CGGBP1: variants seen among roughly 807,000 people sequenced by gnomAD.
CGGBP1 encodes the protein CGG triplet repeat binding protein 1.
A neutral mutation model predicts 11.4 loss-of-function variants in CGGBP1; 4 were observed. The observed-to-expected ratio is 0.35, with a 90% CI of 0.17 to 0.80. The LOEUF (loss-of-function observed/expected upper bound fraction) is 0.80. CGGBP1 is among the 30% of genes least tolerant of loss of function. The pLI is 0.52. For missense variants in CGGBP1, 135 were observed against 202.1 expected, an observed-to-expected ratio of 0.67 and a Z score of 2.01; for synonymous variants, 76 against 74.1, an observed-to-expected ratio of 1.03 and a Z score of -0.13.
At chr3:88,135,023 C>CT (rs1396315301) in intron 2 of CGGBP1, 4 of 1,309,856 alleles carry the variant, frequency 3.1e-6, no homozygotes, top group Non-Finnish European at 3.9e-6. Context: ...TTTGAATAAA[C>CT]TGTATTTTTG....
At chr3:88,078,398 G>T (rs1707922519) in intron 2 of CGGBP1, among the ~76,000 whole-genome samples, 1 of 152,106 alleles carries the variant, frequency 6.6e-6, no homozygotes, top group African/African-American at 2.4e-5. Flanking sequence ...AGGGAAAGCT[G>T]GTAGGGTATT....
chr3:88,069,758 T>C (rs1241012326), intron 2 of CGGBP1, among the ~76,000 whole-genome samples: 1 of 152,216 alleles, frequency 6.6e-6, no homozygotes, highest in Non-Finnish European at 1.5e-5. Flanking sequence ...TTACACAAAT[T>C]ATAGCAGTTC....
upstream of CGGBP1, among the ~76,000 whole-genome samples, chr3:88,063,298 T>G (rs1706992860): frequency 6.6e-6 from 1 of 152,142 alleles, no homozygotes; most frequent in Non-Finnish European, 1.5e-5. Context: ...GTGGGTACCT[T>G]TTATGCGTAA....
upstream of CGGBP1, chr3:88,059,618 C>G: frequency 7.2e-7 from 1 of 1,382,068 alleles, no homozygotes; most frequent in Non-Finnish European, 9.4e-7. Context: ...TCCTCCCCAA[C>G]AAGGAGGGTG....
At chr3:88,087,126 C>T (rs1447014737) in intron 2 of CGGBP1, among the ~76,000 whole-genome samples, 15 of 150,240 alleles carry the variant, frequency 1.0e-4, no homozygotes, top group African/African-American at 3.2e-4. Context: ...TCACCCAGGC[C>T]GGAGTGCAGT....
At chr3:88,111,769 AT>A (rs1705102554) in intron 2 of CGGBP1, among the ~76,000 whole-genome samples, 2 of 151,996 alleles carry the variant, frequency 1.3e-5, no homozygotes, top group African/African-American at 4.8e-5. Context: ...GTATAGGAAC[AT>A]TTACATTCCC....
chr3:88,135,089 C>A, intron 2 of CGGBP1: 2 of 1,460,786 alleles, frequency 1.4e-6, no homozygotes, highest in Non-Finnish European at 1.8e-6. Flanking sequence ...GAGTAAACTA[C>A]AGCTTAAATC....
chr3:88,065,135 A>G (rs1707120838), intron 2 of CGGBP1, among the ~76,000 whole-genome samples: 2 of 152,204 alleles, frequency 1.3e-5, no homozygotes, highest in African/African-American at 4.8e-5. Flanking sequence ...AAGTTTTCAA[A>G]TTTTGGCACA....
chr3:88,113,087 A>G, intron 2 of CGGBP1: 1 of 1,427,384 alleles, frequency 7.0e-7, no homozygotes, highest in Non-Finnish European at 9.5e-7. Context: ...CAAAGAAGCA[A>G]TGAAAGTTAT....
intron 2 of CGGBP1, among the ~76,000 whole-genome samples, chr3:88,117,975 T>G (rs1378498889): frequency 6.6e-6 from 1 of 151,944 alleles, no homozygotes; most frequent in East Asian, 1.9e-4. Flanking sequence ...GAACATTTAC[T>G]ACTTTTATAA....
intron 2 of CGGBP1, among the ~76,000 whole-genome samples, chr3:88,093,546 G>A (rs1397966574): frequency 6.6e-6 from 1 of 152,188 alleles, no homozygotes; most frequent in Non-Finnish European, 1.5e-5. Context: ...TTGGCAAGCT[G>A]TCTAAGAGAA....
intron 1 of CGGBP1, among the ~76,000 whole-genome samples, chr3:88,058,499 G>A (rs1302147909): frequency 6.6e-6 from 1 of 152,136 alleles, no homozygotes; most frequent in East Asian, 1.9e-4. Flanking sequence ...CCGGCGTCTG[G>A]GCTCTCTCCT....
At chr3:88,115,814 A>G (rs766743143) in intron 2 of CGGBP1, among the ~76,000 whole-genome samples, 5 of 152,042 alleles carry the variant, frequency 3.3e-5, no homozygotes, top group Non-Finnish European at 7.4e-5. Context: ...CATCATCATT[A>G]TATCTAGCAG....
chr3:88,090,123 T>C (rs1182293495), intron 2 of CGGBP1, among the ~76,000 whole-genome samples: 1 of 152,232 alleles, frequency 6.6e-6, no homozygotes, highest in Non-Finnish European at 1.5e-5. Context: ...TACTTTTTAT[T>C]GTTATTTTAG....
At chr3:88,089,255 G>A (rs9310070) in intron 2 of CGGBP1, among the ~76,000 whole-genome samples, 1 of 146,390 alleles carries the variant, frequency 6.8e-6, no homozygotes. Context: ...ACTTTGGGAG[G>A]CCGAGGCGGG....
rs1262372260 is a variant in CGGBP1 at position 88,053,577 on chromosome 3, T to C, written c.*1896A>G. Reference sequence around the variant, plus strand: ...CTGATCTGCCATTACATTTTGCTATTAGTGCAAATTAATACCCAAATAATA... The same window carrying C: ...CTGATCTGCCATTACATTTTGCTATCAGTGCAAATTAATACCCAAATAATA... On this transcript the variant is annotated 3_prime_UTR_variant, in exon 4 of 4. Transcript: ENST00000482016. The C allele has an allele frequency of 1.3e-5, 2 of 152,434 alleles. No individual in the cohort carries two copies. The highest frequency in any genetic ancestry group is 2.4e-5 in the African/African-American group (1 of 41,452). The allele number at this position is 152,434 out of a possible 1,614,324, so 9.4% of individuals were successfully genotyped here. A position where few individuals can be genotyped will look rare whatever the true frequency, so the allele number is the denominator to read the frequency against.
chr3:88,070,020 A>T (rs1707417970), intron 2 of CGGBP1, among the ~76,000 whole-genome samples: 1 of 152,186 alleles, frequency 6.6e-6, no homozygotes, highest in Non-Finnish European at 1.5e-5. Context: ...AAATTATAGA[A>T]TTTATTTTTA....
intron 2 of CGGBP1, chr3:88,139,915 C>T: frequency 6.2e-7 from 1 of 1,613,496 alleles, no homozygotes; most frequent in Non-Finnish European, 8.5e-7. Context: ...TTTAAGTGTC[C>T]TGCTCTTGGT....
chr3:88,120,872 A>C (rs1705729408), intron 2 of CGGBP1, among the ~76,000 whole-genome samples: 1 of 152,106 alleles, frequency 6.6e-6, no homozygotes, highest in Non-Finnish European at 1.5e-5. Flanking sequence ...GTGATATAGT[A>C]ATTCAAAGTC....
Sources: gnomAD v4.1 joint callset for allele counts (sites outside exome capture counted in the v4.1 genomes callset) on GRCh38, gnomAD v4.1.1 for gene constraint, MANE v1.5 for transcripts, NCBI Gene and HGNC (gene_info 2026-07-23, HGNC 2026-07-21) for gene names.